The following GLIS2 variants were observed in gnomAD, a reference collection of about 807,000 sequenced individuals.
The protein encoded by GLIS2 is zinc finger protein GLIS2.
GLIS2 carries 14 observed loss-of-function variants against 35.6 expected under a neutral mutation model. The ratio of observed to expected loss-of-function variants is 0.39; its 90% CI spans 0.26 to 0.61. The LOEUF (loss-of-function observed/expected upper bound fraction) is 0.61, where lower values mean the gene tolerates loss of function less well. GLIS2 is among the 20% of genes least tolerant of loss of function. The pLI, the probability that GLIS2 is intolerant of heterozygous loss-of-function variation, is 0.48. For synonymous variants in GLIS2, 368 were observed against 325.1 expected (o/e 1.13, Z -1.42); for missense variants, 675 against 713.4 (o/e 0.95, Z 0.61).
intron 1 of GLIS2, among the ~76,000 whole-genome samples, chr16:4,322,677 C>T (rs1020454111): frequency 2.0e-5 from 3 of 151,682 alleles, no homozygotes; most frequent in African/African-American, 4.8e-5. Context: ...CCTCAAGGTC[C>T]GGTTCGATCT....
intron 1 of GLIS2, among the ~76,000 whole-genome samples, chr16:4,326,114 G>A (rs2141124636): frequency 6.6e-6 from 1 of 151,996 alleles, no homozygotes; most frequent in South Asian, 2.1e-4. Flanking sequence ...GTGTGGTGGT[G>A]GGCGCCTGTA....
At chr16:4,325,615 C>T (rs763197033) in intron 1 of GLIS2, among the ~76,000 whole-genome samples, 2 of 152,126 alleles carry the variant, frequency 1.3e-5, no homozygotes, top group Non-Finnish European at 2.9e-5. Context: ...CAGGGACTCA[C>T]TTCCTCTTTC....
rs1183279058 is a variant in GLIS2 at position 4,337,463 on chromosome 16, C to T, written c.1514C>T (p.Ala505Val). Residue 505 changes from alanine to valine, a missense_variant, in exon 7 of 7, where the codon GCC becomes GTC. Physicochemically the swap from Ala to Val is moderately conservative, Grantham distance 64. Transcript: ENST00000433375. Reference sequence around the variant, plus strand: ...GCTGCCAGCAGCCCAGAGGCGTTGGCCCCTGGCTGGGTGGTCATCCCGCCG... The same window carrying T: ...GCTGCCAGCAGCCCAGAGGCGTTGGTCCCTGGCTGGGTGGTCATCCCGCCG... ...NSAASSPEAL[A>V]PGWVVIPPGS... The T allele has an allele frequency of 1.9e-6, 3 of 1,576,438 alleles. No individual in the cohort carries two copies. Among genetic ancestry groups the T allele is most frequent in the South Asian group, 2.3e-5 (2 of 86,892 alleles).
chr16:4,319,888 A>G (rs2053359192), intron 1 of GLIS2, among the ~76,000 whole-genome samples: 1 of 151,984 alleles, frequency 6.6e-6, no homozygotes, highest in African/African-American at 2.4e-5. Flanking sequence ...ACTCCCCCAG[A>G]TGGGCTGGAG....
rs200814551 is a variant in GLIS2, at chr16:4,336,960, G to T, written c.1011G>T (p.Pro337=). The T allele has an allele frequency of 1.9e-6, 3 of 1,610,734 alleles. No homozygotes were observed. The highest frequency in any genetic ancestry group is 2.2e-5 in the South Asian group (2 of 90,876). Residue 337 remains proline, a synonymous_variant, in exon 7 of 7, where the codon CCG becomes CCT. Transcript: ENST00000433375. ...ELLQLRPPPK[P]PLPAPDGGPY... is the part of the protein sequence containing the mutation. ...TGCAGCTGCGCCCACCCCCCAAGCC[G>T]CCACTGCCCGCCCCCGACGGCGGCC...
At position 4,317,938 on chromosome 16, in the gene GLIS2, A is replaced by C. The variant is rs1412548250; in HGVS notation, c.-67+1684A>C. On this transcript the variant is annotated intron_variant, in intron 1 of 6. Coordinates refer to ENST00000433375, the MANE Select transcript of GLIS2 (RefSeq NM_032575.3). ...CGCCCTTCCCTGTCTGTGACCTTTG[A>C]CCTTTGGTGTTAAATCCCTCCAGCT... Among the ~76,000 whole-genome samples, 7 of 151,722 alleles carry C rather than the reference A, an allele frequency of 4.6e-5. No individual in the cohort carries two copies. In the East Asian group the frequency reaches 1.2e-3, roughly 25 times the overall value.
At chr16:4,318,937 C>T (rs757121333) in intron 1 of GLIS2, among the ~76,000 whole-genome samples, 6 of 152,188 alleles carry the variant, frequency 3.9e-5, no homozygotes, top group Non-Finnish European at 7.3e-5. Context: ...GGGAGGGTGG[C>T]GACAGCTGTG....
intron 1 of GLIS2, among the ~76,000 whole-genome samples, chr16:4,330,251 T>TG (rs2053484380): frequency 1.3e-5 from 2 of 152,218 alleles, no homozygotes; most frequent in Admixed American, 1.3e-4. Context: ...CACTCCAGCC[T>TG]GGGTGACTGA....
At chr16:4,318,609 C>T (rs1458056363) in intron 1 of GLIS2, among the ~76,000 whole-genome samples, 5 of 152,184 alleles carry the variant, frequency 3.3e-5, no homozygotes, top group African/African-American at 7.2e-5. Flanking sequence ...AGTGAACAGG[C>T]CGGAGGGAAA....
chr16:4,329,865 TGTC>T (rs1489472291), intron 1 of GLIS2, among the ~76,000 whole-genome samples: 2 of 152,166 alleles, frequency 1.3e-5, no homozygotes, highest in Non-Finnish European at 2.9e-5. Context: ...CGCAAGGAAA[TGTC>T]GTGTTTAACC....
At position 4,336,761 on chromosome 16, in the gene GLIS2, A is replaced by G. The variant is rs2053555955; in HGVS notation, c.812A>G (p.Asn271Ser). The G allele has an allele frequency of 6.2e-7, 1 of 1,610,620 alleles. No homozygotes were observed. Among genetic ancestry groups the G allele is most frequent in the Admixed American group, 1.7e-5 (1 of 59,692 alleles). Residue 271 changes from asparagine to serine, a missense_variant, in exon 7 of 7, where the codon AAC (asparagine) becomes AGC (serine). Physicochemically the swap from Asn to Ser is conservative, Grantham distance 46. This residue lies in a region of GLIS2 where 133 missense variants were observed against 191.4 expected (regional missense o/e 0.69). Transcript: ENST00000433375. ...TACGTCTGCCCCTACGAGGGCTGCA[A>G]CAAGCGCTATTCCAACTCCAGTGAC... is the stretch of plus-strand genomic sequence containing the variant. ...KPYVCPYEGC[N>S]KRYSNSSDRF...
rs1291192461 is a variant in GLIS2, at chr16:4,333,516, C to T, written c.342C>T (p.Ala114=). 1.9e-6 allele frequency: 3 copies of T among 1,609,196 alleles called. No homozygotes were observed. Among genetic ancestry groups the T allele is most frequent in the Non-Finnish European group, 2.5e-6 (3 of 1,177,900 alleles). ...GGGACCTGCCTCCAGTGCCCAGTGC[C>T]TCGGTAAGGAGGGGTGAGAGTTCCG... The part of the protein sequence containing the change: ...GNGDLPPVPS[A]SDFQPLRYLD... The change falls in exon 3 of 7, where the codon GCC becomes GCT. Residue 114 remains alanine (A), a synonymous_variant. Coordinates refer to ENST00000433375, the MANE Select transcript of GLIS2 (RefSeq NM_032575.3).
At position 4,332,092 on chromosome 16, in the gene GLIS2, CT is replaced by C; in HGVS notation, c.-66-122del. On this transcript the variant is annotated intron_variant, in intron 1 of 6. Coordinates refer to ENST00000433375, the MANE Select transcript of GLIS2 (RefSeq NM_032575.3). This position sits in a 1 kb window ranked among gnomAD's most constrained non-coding sequence, Gnocchi z 5.4. Reference sequence around the variant, plus strand: ...CTGCCGGCCAGGTCGCTCGGAGGGTCTCCCTACCCAGGAGACAACCTCACAC... The same window carrying C: ...CTGCCGGCCAGGTCGCTCGGAGGGTCCCCTACCCAGGAGACAACCTCACAC... The C allele has an allele frequency of 1.3e-6, 1 of 755,800 alleles. No homozygotes were observed. Among genetic ancestry groups the C allele is most frequent in the Non-Finnish European group, 2.2e-6 (1 of 446,176 alleles). 46.8% of individuals were successfully genotyped at this position (755,800 alleles called of 1,614,324 possible). A position where few individuals can be genotyped will look rare whatever the true frequency, so the allele number is the denominator to read the frequency against.
At chr16:4,316,742 C>T (rs776367709) in intron 1 of GLIS2, among the ~76,000 whole-genome samples, 18 of 152,158 alleles carry the variant, frequency 1.2e-4, no homozygotes, top group Non-Finnish European at 1.8e-4. Flanking sequence ...TGCTGCCCCT[C>T]GCAAGCCCGG....
chr16:4,333,549 G>C, intron 3 of GLIS2, 30 bp downstream of exon 3: 1 of 1,589,828 alleles, frequency 6.3e-7, no homozygotes, highest in Non-Finnish European at 8.6e-7. Context: ...CCGGAGAGAG[G>C]GGTGGACTGG....
At position 4,316,212 on chromosome 16, in the gene GLIS2, G is replaced by GCCGGAGC. The variant is rs1213975476; in HGVS notation, c.-105_-99dup. Reference sequence around the variant, plus strand: ...GCTCGGCTCCCCGCGCCCCCCGACCGCCGGAGCCCGCAGCCCGGATCCCGA... The same window carrying GCCGGAGC: ...GCTCGGCTCCCCGCGCCCCCCGACCGCCGGAGCCCGGAGCCCGCAGCCCGGATCCCGA... On this transcript the variant is annotated 5_prime_UTR_variant, in exon 1 of 7. Transcript: ENST00000433375. 1.4e-5 allele frequency among the ~76,000 whole-genome samples: 2 copies of GCCGGAGC among 140,242 alleles called. No individual in the cohort carries two copies. Among genetic ancestry groups the GCCGGAGC allele is most frequent in the Non-Finnish European group, 3.1e-5 (2 of 63,834 alleles). 92.0% of individuals were successfully genotyped at this position (140,242 alleles called of 152,430 possible).
In GLIS2 at chr16:4,336,385, G is replaced by C. The variant is rs2141134122; in HGVS notation, c.776-340G>C. The stretch of plus-strand genomic sequence containing the variant: ...TGGTCTGGAACTCCTGGCCTCAAGT[G>C]ATCTGCCTGCCTTGGCCTCCCAAAG... On this transcript the variant is annotated intron_variant, in intron 6 of 6. Transcript: ENST00000433375. 6.1e-6 allele frequency: 3 copies of C among 493,984 alleles called. No homozygotes were observed. In the East Asian group the frequency reaches 1.1e-4, roughly 19 times the overall value. 30.6% of individuals were successfully genotyped at this position (493,984 alleles called of 1,614,324 possible).
chr16:4,330,611 G>A (rs1057131872), intron 1 of GLIS2, among the ~76,000 whole-genome samples: 2 of 152,232 alleles, frequency 1.3e-5, no homozygotes, highest in African/African-American at 4.8e-5. Context: ...GGTGGTGAGC[G>A]TGGCTACCTG....
At chr16:4,315,841 C>A (rs1480883820), upstream of GLIS2, among the ~76,000 whole-genome samples, 2 of 150,252 alleles carry the variant, frequency 1.3e-5, no homozygotes, top group African/African-American at 4.9e-5. Flanking sequence ...GCGCACGCCC[C>A]GCCTGGCAGC....
Sources: allele counts gnomAD v4.1 joint callset (sites outside exome capture counted in the v4.1 genomes callset), GRCh38; gene constraint gnomAD v4.1.1; regional missense constraint gnomAD v4.1.1; non-coding constraint Gnocchi (gnomAD v3.1); transcripts MANE v1.5; gene names NCBI Gene and HGNC (gene_info 2026-07-23, HGNC 2026-07-21).